SAMD5: variants seen among roughly 807,000 people sequenced by gnomAD.
The protein encoded by SAMD5 is sterile alpha motif domain containing 5, also known as sterile alpha motif domain-containing protein 5.
In SAMD5, 13 loss-of-function variants were observed where a neutral mutation model predicts 11.3. That is an observed-to-expected ratio of 1.15 (90% confidence interval 0.75 to 1.83). The LOEUF (loss-of-function observed/expected upper bound fraction) is 1.83, where lower values mean the gene tolerates loss of function less well. Ranked by LOEUF, SAMD5 falls within the 40% of genes most tolerant of loss-of-function variation. The pLI is 0.00. For synonymous variants in SAMD5, 129 were observed against 111.3 expected (o/e 1.16, Z -1.00); for missense variants, 255 against 239.1 (o/e 1.07, Z -0.44).
chr6:147,781,671 A>G, the SAMD5 span, among the ~76,000 whole-genome samples: 2 of 152,120 alleles, frequency 1.3e-5, no homozygotes, highest in African/African-American at 4.8e-5. Flanking sequence ...AAGCACCCTC[A>G]CAGAATTCAC....
rs148760426 is a variant in SAMD5 at position 147,584,058 on chromosome 6, C to T, written c.162+74671C>T. On this transcript the variant is annotated intron_variant, in intron 1 of 1. Transcript: ENST00000566741. ...GAAAAAAATATATATATAGTCTACA[C>T]ATCTAGGAAAAATACTGGAAAGTCA... Among the ~76,000 whole-genome samples, 4 of 152,162 alleles carry T rather than the reference C, an allele frequency of 2.6e-5. No individual in the cohort carries two copies. In the East Asian group the frequency reaches 7.7e-4, roughly 29 times the overall value.
chr6:147,651,738 C>G (rs746857496), intron 1 of SAMD5, among the ~76,000 whole-genome samples: 7 of 152,188 alleles, frequency 4.6e-5, no homozygotes, highest in Non-Finnish European at 7.3e-5. Flanking sequence ...GTGGCCCAAA[C>G]AGATGAAGAC....
chr6:147,714,161 A>G (rs776064429), intron 1 of SAMD5, among the ~76,000 whole-genome samples: 6 of 152,216 alleles, frequency 3.9e-5, no homozygotes, highest in South Asian at 2.1e-4. Context: ...CCACCTCACT[A>G]GGAGCCAATT....
At chr6:147,851,046 A>T in the SAMD5 span, among the ~76,000 whole-genome samples, 1 of 149,968 alleles carries the variant, frequency 6.7e-6, no homozygotes, top group Non-Finnish European at 1.5e-5. Context: ...TCCCAGATTC[A>T]AGGGATTCTC....
intron 1 of SAMD5, among the ~76,000 whole-genome samples, chr6:147,700,217 T>C (rs754588565): frequency 1.3e-5 from 2 of 152,232 alleles, no homozygotes; most frequent in East Asian, 1.9e-4. Context: ...ATTATAATGA[T>C]AAATCTAATT....
At chr6:147,723,867 C>T (rs1163889839) in intron 1 of SAMD5, among the ~76,000 whole-genome samples, 2 of 152,098 alleles carry the variant, frequency 1.3e-5, no homozygotes, top group African/African-American at 4.8e-5. Flanking sequence ...AGGTTATCTG[C>T]CTCTTTTTAT....
At chr6:147,634,270 C>T (rs1214976655) in intron 1 of SAMD5, among the ~76,000 whole-genome samples, 1 of 152,136 alleles carries the variant, frequency 6.6e-6, no homozygotes, top group Non-Finnish European at 1.5e-5. Flanking sequence ...AACTTACAGT[C>T]ATGGCAGAAG....
chr6:147,572,179 T>A (rs547226049), downstream of SAMD5, among the ~76,000 whole-genome samples: 155 of 152,144 alleles, frequency 1.0e-3, no homozygotes, highest in African/African-American at 3.6e-3. Flanking sequence ...GTTGAGGTTA[T>A]GTGAGATGGT....
the SAMD5 span, among the ~76,000 whole-genome samples, chr6:147,889,504 A>G: frequency 2.0e-5 from 3 of 152,066 alleles, no homozygotes; most frequent in Non-Finnish European, 2.9e-5. Context: ...CTGCTTCTTT[A>G]TATGCTGTAT....
At chr6:147,628,667 A>G (rs1205955989) in intron 1 of SAMD5, among the ~76,000 whole-genome samples, 2 of 152,070 alleles carry the variant, frequency 1.3e-5, no homozygotes, top group Non-Finnish European at 2.9e-5. Context: ...TTTTCAAACA[A>G]AAGATTATGA....
At chr6:147,742,283 G>A (rs1454123882), downstream of SAMD5, among the ~76,000 whole-genome samples, 2 of 151,944 alleles carry the variant, frequency 1.3e-5, no homozygotes, top group African/African-American at 4.8e-5. Context: ...TTGTGTCTGT[G>A]CTTTTTTTCC....
At chr6:147,832,070 A>G in the SAMD5 span, among the ~76,000 whole-genome samples, 1 of 152,186 alleles carries the variant, frequency 6.6e-6, no homozygotes. Flanking sequence ...TGGAAGAGAA[A>G]GGAAGGAAGA....
chr6:147,816,301 A>AAAAAAAAAAAAT, the SAMD5 span, among the ~76,000 whole-genome samples: 103 of 66,328 alleles, frequency 1.6e-3, no homozygotes, highest in Non-Finnish European at 1.7e-3. Context: ...AAAAAAAAAA[A>AAAAAAAAAAAAT]ATATATATAT....
At chr6:147,913,820 T>A in the SAMD5 span, among the ~76,000 whole-genome samples, 1 of 152,244 alleles carries the variant, frequency 6.6e-6, no homozygotes, top group Admixed American at 6.5e-5. Context: ...TACATGCATG[T>A]GTATATATGC....
chr6:147,868,744 C>T, the SAMD5 span, among the ~76,000 whole-genome samples: 3 of 152,186 alleles, frequency 2.0e-5, no homozygotes, highest in East Asian at 1.9e-4. Flanking sequence ...CCATTAAATA[C>T]ACTTCCTCCC....
At chr6:147,703,111 A>C (rs756132572) in intron 1 of SAMD5, among the ~76,000 whole-genome samples, 1 of 152,152 alleles carries the variant, frequency 6.6e-6, no homozygotes, top group Non-Finnish European at 1.5e-5. Flanking sequence ...TCTGTCACCC[A>C]GGCTGGAGTG....
intron 1 of SAMD5, among the ~76,000 whole-genome samples, chr6:147,650,597 G>A (rs1046522028): frequency 6.6e-6 from 1 of 152,172 alleles, no homozygotes; most frequent in Admixed American, 6.5e-5. Context: ...TTAGAATTCT[G>A]GATGAAGGTG....
At chr6:147,695,701 G>C (rs943353919) in intron 1 of SAMD5, among the ~76,000 whole-genome samples, 2 of 152,062 alleles carry the variant, frequency 1.3e-5, no homozygotes, top group African/African-American at 4.8e-5. Context: ...AATAAGACAG[G>C]GTCCTGAACC....
intron 1 of SAMD5, among the ~76,000 whole-genome samples, chr6:147,528,166 G>A (rs1198380168): frequency 6.6e-6 from 1 of 152,148 alleles, no homozygotes; most frequent in Non-Finnish European, 1.5e-5. Flanking sequence ...TGGGGACACA[G>A]ATCCAAACCG....
Sources: allele counts gnomAD v4.1 joint callset (sites outside exome capture counted in the v4.1 genomes callset), GRCh38; gene constraint gnomAD v4.1.1; transcripts MANE v1.5; gene names NCBI Gene and HGNC (gene_info 2026-07-23, HGNC 2026-07-21).